Variants in AFG2A observed in about 807,000 individuals in gnomAD.
AFG2A encodes the protein ATPase family gene 2 protein homolog A.
chr4:123,316,881 G>T, the AFG2A span: 1 of 152,194 alleles, frequency 6.6e-6, no homozygotes, highest in Non-Finnish European at 1.5e-5. Flanking sequence ...AGACCACAAG[G>T]AGGCTTTCTG....
the AFG2A span, among the ~76,000 whole-genome samples, chr4:123,026,640 A>C: frequency 0.012 from 1,840 of 152,358 alleles, 40 homozygotes; most frequent in African/African-American, 0.041. Flanking sequence ...TTATAAAGCA[A>C]TATGAGTAAT....
the AFG2A span, chr4:123,057,247 T>C: frequency 6.2e-7 from 1 of 1,613,850 alleles, no homozygotes; most frequent in Admixed American, 1.7e-5. Flanking sequence ...CTTCCATTAT[T>C]TTCTTTGATG....
chr4:123,224,693 C>A, the AFG2A span, among the ~76,000 whole-genome samples: 3 of 152,088 alleles, frequency 2.0e-5, no homozygotes, highest in Admixed American at 2.0e-4. Flanking sequence ...GTCTTTATAG[C>A]AGCATGATTT....
chr4:123,268,711 AG>A, the AFG2A span, among the ~76,000 whole-genome samples: 2 of 152,196 alleles, frequency 1.3e-5, no homozygotes, highest in African/African-American at 4.8e-5. Context: ...TAGACATGCA[AG>A]ACCTAAAACA....
the AFG2A span, among the ~76,000 whole-genome samples, chr4:122,990,935 G>A: frequency 6.6e-6 from 1 of 152,116 alleles, no homozygotes; most frequent in Non-Finnish European, 1.5e-5. Flanking sequence ...AATGTGTTTT[G>A]TGGTCATATA....
chr4:123,209,579 A>G, the AFG2A span, among the ~76,000 whole-genome samples: 1 of 143,026 alleles, frequency 7.0e-6, no homozygotes, highest in Admixed American at 7.5e-5. Flanking sequence ...AACGGGATGC[A>G]TCAAGAATTT....
At chr4:123,272,278 C>T in the AFG2A span, among the ~76,000 whole-genome samples, 4 of 152,294 alleles carry the variant, frequency 2.6e-5, no homozygotes, top group Non-Finnish European at 5.9e-5. Context: ...CCACCGTGAG[C>T]TCAGTAAACC....
the AFG2A span, among the ~76,000 whole-genome samples, chr4:123,284,334 C>T: frequency 6.6e-6 from 1 of 152,300 alleles, no homozygotes; most frequent in South Asian, 2.1e-4. Context: ...TGGCATGTCC[C>T]TACCACAGCA....
At chr4:123,116,000 G>A in the AFG2A span, among the ~76,000 whole-genome samples, 7 of 152,068 alleles carry the variant, frequency 4.6e-5, no homozygotes, top group Non-Finnish European at 1.0e-4. Context: ...CATGGGCTCA[G>A]GTGATCCTCC....
At chr4:123,305,621 C>A in the AFG2A span, among the ~76,000 whole-genome samples, 1 of 152,170 alleles carries the variant, frequency 6.6e-6, no homozygotes, top group Non-Finnish European at 1.5e-5. Flanking sequence ...TAGGGCCCAA[C>A]GTTTTCAGCT....
chr4:123,081,618 A>G, the AFG2A span, among the ~76,000 whole-genome samples: 9 of 152,312 alleles, frequency 5.9e-5, no homozygotes, highest in East Asian at 7.7e-4. Context: ...TTTTGTGGAT[A>G]TAAGTTTTCT....
the AFG2A span, among the ~76,000 whole-genome samples, chr4:122,977,491 C>T: frequency 2.8e-4 from 42 of 152,274 alleles, no homozygotes; most frequent in African/African-American, 1.0e-3. Context: ...CGTGGTGGTA[C>T]CTGGAAGCTT....
the AFG2A span, among the ~76,000 whole-genome samples, chr4:122,934,900 G>A: frequency 1.3e-5 from 2 of 152,188 alleles, no homozygotes; most frequent in Non-Finnish European, 2.9e-5. Context: ...AGTTAAATGG[G>A]CCATTTGCTA....
chr4:123,227,594 G>C, the AFG2A span, among the ~76,000 whole-genome samples: 1 of 152,058 alleles, frequency 6.6e-6, no homozygotes, highest in African/African-American at 2.4e-5. Context: ...TATAATTTCT[G>C]TTCTTTTACA....
chr4:122,950,713 G>A, the AFG2A span, among the ~76,000 whole-genome samples: 1 of 152,220 alleles, frequency 6.6e-6, no homozygotes, highest in Non-Finnish European at 1.5e-5. Context: ...CATGCTTGCT[G>A]GGTTATGCTC....
chr4:123,289,467 G>A, the AFG2A span, among the ~76,000 whole-genome samples: 1 of 152,142 alleles, frequency 6.6e-6, no homozygotes, highest in Admixed American at 6.5e-5. Context: ...CTGTACTGTA[G>A]TAAACATATA....
the AFG2A span, among the ~76,000 whole-genome samples, chr4:123,192,960 A>G: frequency 1.3e-5 from 2 of 152,240 alleles, no homozygotes; most frequent in Non-Finnish European, 2.9e-5. Flanking sequence ...ATGTGAATAA[A>G]TGAGAAATAA....
chr4:123,008,678 T>A, the AFG2A span, among the ~76,000 whole-genome samples: 1 of 152,170 alleles, frequency 6.6e-6, no homozygotes, highest in East Asian at 1.9e-4. Flanking sequence ...TTATTAAGAA[T>A]GAAATTTCTT....
the AFG2A span, among the ~76,000 whole-genome samples, chr4:123,106,246 T>A: frequency 6.6e-6 from 1 of 152,178 alleles, no homozygotes; most frequent in Non-Finnish European, 1.5e-5. Flanking sequence ...GTATATATAT[T>A]TTTCCCCCAT....
Sources: allele counts gnomAD v4.1 joint callset (sites outside exome capture counted in the v4.1 genomes callset), GRCh38; gene constraint gnomAD v4.1.1; transcripts MANE v1.5; gene names NCBI Gene and HGNC (gene_info 2026-07-23, HGNC 2026-07-21).